Variants in VRK1 observed in about 807,000 individuals in gnomAD.
VRK1 encodes serine/threonine-protein kinase VRK1.
Under a neutral mutation model 57.1 loss-of-function variants are expected in VRK1, and 33 were observed. The observed-to-expected ratio is 0.58, with a 90% confidence interval of 0.44 to 0.77. The LOEUF is 0.77. Among genes scored for constraint, VRK1 ranks in the 30% least tolerant of loss-of-function variants. VRK1 has a pLI of 0.00. For missense variants in VRK1, 413 were observed against 477.3 expected, an observed-to-expected ratio of 0.87 and a Z score of 1.25; for synonymous variants, 137 against 147.8, an observed-to-expected ratio of 0.93 and a Z score of 0.53.
intron 11 of VRK1, among the ~76,000 whole-genome samples, chr14:96,861,697 T>A (rs540727976): frequency 1.6e-4 from 24 of 152,316 alleles, no homozygotes; most frequent in Middle Eastern, 6.8e-3. Context: ...CTTTGCCAAA[T>A]AGCAGGTCTC....
At chr14:96,846,216 G>C in intron 4 of VRK1, 52 bp downstream of exon 4, 1 of 1,565,826 alleles carries the variant, frequency 6.4e-7, no homozygotes, top group Non-Finnish European at 8.8e-7. Context: ...CCAGTTTTTT[G>C]TTTTAAGCCA....
chr14:96,811,245 T>C (rs929326962), intron 1 of VRK1, among the ~76,000 whole-genome samples: 6 of 152,164 alleles, frequency 3.9e-5, no homozygotes, highest in African/African-American at 1.4e-4. Flanking sequence ...ATCTTACTAA[T>C]ATACTGTGTC....
intron 11 of VRK1, among the ~76,000 whole-genome samples, chr14:96,873,322 G>A (rs1888901508): frequency 6.6e-6 from 1 of 152,108 alleles, no homozygotes. Flanking sequence ...CATCTAGCCT[G>A]TTTGTCTTCC....
intron 1 of VRK1, among the ~76,000 whole-genome samples, chr14:96,798,578 C>A (rs1021251522): frequency 6.6e-6 from 1 of 151,068 alleles, no homozygotes; most frequent in African/African-American, 2.4e-5. Context: ...TTTTCTTCTT[C>A]TTTTTTTTTA....
At chr14:96,812,219 A>G (rs930560986) in intron 1 of VRK1, among the ~76,000 whole-genome samples, 6 of 152,148 alleles carry the variant, frequency 3.9e-5, no homozygotes, top group Non-Finnish European at 7.4e-5. Context: ...CTTTTTGACT[A>G]TTATGATTAG....
At chr14:96,837,422 A>G (rs1193192897) in intron 2 of VRK1, among the ~76,000 whole-genome samples, 2 of 152,146 alleles carry the variant, frequency 1.3e-5, no homozygotes, top group Non-Finnish European at 1.5e-5. Flanking sequence ...TAAGAAATGT[A>G]TTACTTATCC....
intron 5 of VRK1, among the ~76,000 whole-genome samples, chr14:96,847,640 C>T (rs577780659): frequency 6.7e-6 from 1 of 149,180 alleles, no homozygotes; most frequent in African/African-American, 2.5e-5. Context: ...AACACCCTGC[C>T]TTTTTTTCCT....
intron 10 of VRK1, among the ~76,000 whole-genome samples, chr14:96,857,231 G>C (rs1257039219): frequency 6.6e-6 from 1 of 152,014 alleles, no homozygotes; most frequent in Admixed American, 6.6e-5. Context: ...TAGTACTGTG[G>C]AACTAGAAGA....
chr14:96,876,001 C>G (rs1377265718), intron 11 of VRK1, 29 bp from the exon 12 acceptor site: 1 of 1,599,566 alleles, frequency 6.3e-7, no homozygotes, highest in African/African-American at 1.3e-5. Flanking sequence ...TCAGATATCT[C>G]TCTCTCTCTC....
chr14:96,850,048 T>TA (rs745765777), intron 5 of VRK1, among the ~76,000 whole-genome samples: 2 of 152,190 alleles, frequency 1.3e-5, no homozygotes, highest in Non-Finnish European at 2.9e-5. Flanking sequence ...ACTCACCACT[T>TA]ACTAGTGATG....
rs148600890 is a variant in VRK1 at position 96,824,160 on chromosome 14, A to G, written c.-5-9307A>G. ...TTTATTTTCACATAATAAAATTTGT[A>G]TTTTGGTGTAAGCTGTGGAAATGTA... On this transcript the variant is annotated intron_variant, in intron 1 of 12. Coordinates refer to ENST00000216639, the MANE Select transcript of VRK1 (RefSeq NM_003384.3). Among the ~76,000 whole-genome samples, 143 of 152,318 alleles carry G rather than the reference A, an allele frequency of 9.4e-4. 1 individual carries two copies. Among genetic ancestry groups the G allele is most frequent in the Middle Eastern group, 3.4e-3 (1 of 294 alleles).
chr14:96,809,424 A>T (rs1886069360), intron 1 of VRK1, among the ~76,000 whole-genome samples: 1 of 152,186 alleles, frequency 6.6e-6, no homozygotes, highest in Non-Finnish European at 1.5e-5. Flanking sequence ...TGAGGCAATT[A>T]TGAACAATGT....
intron 11 of VRK1, among the ~76,000 whole-genome samples, chr14:96,869,865 C>A (rs1040663961): frequency 6.6e-6 from 1 of 152,120 alleles, no homozygotes; most frequent in Non-Finnish European, 1.5e-5. Context: ...TTAATAGTAA[C>A]TCTAATGTAG....
In VRK1 at chr14:96,837,749, CT is replaced by C; in HGVS notation, c.161-7del. 6.5e-7 allele frequency: 1 copy of C among 1,537,484 alleles called. No homozygotes were observed. The highest frequency in any genetic ancestry group is 1.3e-5 in the South Asian group (1 of 74,820). ...ACTTGTTCTGATATCAAATATTTTA[CT>C]TTTTTAAACAGCTGATATGAATTCT... On this transcript the variant is annotated splice_polypyrimidine_tract_variant and intron_variant, in intron 2 of 12. Coordinates refer to ENST00000216639, the MANE Select transcript of VRK1 (RefSeq NM_003384.3).
chr14:96,869,028 G>T (rs1403366135), intron 11 of VRK1, among the ~76,000 whole-genome samples: 1 of 152,034 alleles, frequency 6.6e-6, no homozygotes, highest in Non-Finnish European at 1.5e-5. Flanking sequence ...CCTGACCTCA[G>T]ATTATCTGCC....
chr14:96,802,284 G>A (rs545749666), intron 1 of VRK1, among the ~76,000 whole-genome samples: 45 of 152,052 alleles, frequency 3.0e-4, no homozygotes, highest in Non-Finnish European at 5.6e-4. Context: ...AAATAAAAAC[G>A]TTCACAAAAA....
intron 11 of VRK1, among the ~76,000 whole-genome samples, chr14:96,870,134 T>A (rs151116701): frequency 3.5e-4 from 53 of 152,314 alleles, no homozygotes; most frequent in African/African-American, 1.2e-3. Flanking sequence ...ATTTATGTAG[T>A]TTCTATATTC....
At position 96,856,199 on chromosome 14, in the gene VRK1, C is replaced by T. The variant is rs1324125249; in HGVS notation, c.779C>T (p.Pro260Leu). The part of the protein sequence containing the change: ...CMIQWLTGHL[P>L]WEDNLKDPKY... ...ATCCAATGGCTTACTGGCCATCTTC[C>T]TTGGGAGGATAATTTGAAAGATCCT... is the stretch of plus-strand genomic sequence containing the variant. The change falls in exon 9 of 13, where the codon CCT (proline) becomes CTT (leucine). Residue 260 changes from proline to leucine, a missense_variant. Pro to Leu is a moderately conservative substitution (Grantham distance 98). Around this residue, in one of 3 missense-constraint regions of VRK1, gnomAD observed 151 missense variants for 225.5 expected, o/e 0.67. Coordinates refer to ENST00000216639, the MANE Select transcript of VRK1 (RefSeq NM_003384.3). The T allele has an allele frequency of 3.1e-6, 5 of 1,613,538 alleles. No individual in the cohort carries two copies. Among genetic ancestry groups the T allele is most frequent in the African/African-American group, 2.7e-5 (2 of 74,894 alleles).
intron 7 of VRK1, among the ~76,000 whole-genome samples, chr14:96,853,526 G>A (rs1484441644): frequency 1.3e-5 from 2 of 152,072 alleles, no homozygotes; most frequent in African/African-American, 2.4e-5. Context: ...TCCATCAAAT[G>A]TAAGTGTTCT....
Sources: allele counts gnomAD v4.1 joint callset (sites outside exome capture counted in the v4.1 genomes callset), GRCh38; gene constraint gnomAD v4.1.1; regional missense constraint gnomAD v4.1.1; transcripts MANE v1.5; gene names NCBI Gene and HGNC (gene_info 2026-07-23, HGNC 2026-07-21).